MNAT1: variants seen among roughly 807,000 people sequenced by gnomAD.
MNAT1 encodes CDK-activating kinase assembly factor MAT1.
Under a neutral mutation model 42.0 loss-of-function variants are expected in MNAT1, and 43 were observed. That is an observed-to-expected ratio of 1.02 (90% CI 0.80 to 1.32). The LOEUF (loss-of-function observed/expected upper bound fraction) is 1.32. Ranked by LOEUF, MNAT1 falls within the 40% of genes most tolerant of loss-of-function variation. The probability of loss-of-function intolerance (pLI) is 0.00; values close to 1 mark genes in which losing one functional copy is unlikely to be tolerated. For missense variants in MNAT1, 306 were observed against 350.4 expected (o/e 0.87, Z 1.01); for synonymous variants, 118 against 120.0 (o/e 0.98, Z 0.11).
chr14:60,954,667 G>T (rs986324998), intron 7 of MNAT1, among the ~76,000 whole-genome samples: 4 of 152,052 alleles, frequency 2.6e-5, no homozygotes, highest in Non-Finnish European at 4.4e-5. Context: ...CTATAAATAA[G>T]ATCATGTTAT....
chr14:60,757,820 C>T (rs2030423411), intron 1 of MNAT1, among the ~76,000 whole-genome samples: 1 of 152,104 alleles, frequency 6.6e-6, no homozygotes, highest in Non-Finnish European at 1.5e-5. Flanking sequence ...GATTCTGATG[C>T]TTTACTTATT....
intron 7 of MNAT1, among the ~76,000 whole-genome samples, chr14:60,935,545 T>C (rs1789381078): frequency 6.6e-6 from 1 of 152,186 alleles, no homozygotes; most frequent in African/African-American, 2.4e-5. Flanking sequence ...TATCTTCTCT[T>C]ATTTTCAGTA....
At chr14:60,748,806 A>G (rs1405296571) in intron 1 of MNAT1, among the ~76,000 whole-genome samples, 1 of 152,210 alleles carries the variant, frequency 6.6e-6, no homozygotes, top group East Asian at 1.9e-4. Context: ...TAGAAGGAGT[A>G]CACTATAAAA....
chr14:60,749,403 T>C (rs978806364), intron 1 of MNAT1, among the ~76,000 whole-genome samples: 2 of 152,230 alleles, frequency 1.3e-5, no homozygotes, highest in Admixed American at 6.5e-5. Context: ...TTTTTCTCAT[T>C]GCTTTTTTTC....
chr14:60,902,899 A>G (rs1458612371), intron 7 of MNAT1, among the ~76,000 whole-genome samples: 2 of 151,984 alleles, frequency 1.3e-5, no homozygotes, highest in African/African-American at 4.8e-5. Context: ...TTCTATACCT[A>G]GTTCTATTAG....
chr14:60,936,643 G>C (rs1308820097), intron 7 of MNAT1, among the ~76,000 whole-genome samples: 2 of 152,060 alleles, frequency 1.3e-5, no homozygotes, highest in Non-Finnish European at 2.9e-5. Context: ...CATTTGACTT[G>C]GTTCCAAGTC....
At chr14:60,922,587 G>A (rs371201156) in intron 7 of MNAT1, among the ~76,000 whole-genome samples, 1 of 151,962 alleles carries the variant, frequency 6.6e-6, no homozygotes, top group African/African-American at 2.4e-5. Flanking sequence ...CTTACTATAA[G>A]CTGTAAGGAA....
At chr14:60,823,185 C>G (rs2032949391) in intron 6 of MNAT1, among the ~76,000 whole-genome samples, 1 of 152,150 alleles carries the variant, frequency 6.6e-6, no homozygotes, top group Non-Finnish European at 1.5e-5. Flanking sequence ...GGTCAACAAC[C>G]TTGAAGACTG....
intron 6 of MNAT1, among the ~76,000 whole-genome samples, chr14:60,874,232 C>G (rs775381506): frequency 6.6e-6 from 1 of 152,110 alleles, no homozygotes; most frequent in Non-Finnish European, 1.5e-5. Flanking sequence ...ATTTCTTACC[C>G]ATTTGAGTTC....
intron 6 of MNAT1, among the ~76,000 whole-genome samples, chr14:60,838,222 A>G (rs1220249920): frequency 1.3e-5 from 2 of 151,580 alleles, no homozygotes; most frequent in African/African-American, 4.9e-5. Context: ...TGCAGGTTCT[A>G]CTTCCTGGGC....
At position 60,968,422 on chromosome 14, in the gene MNAT1, G is replaced by C; in HGVS notation, c.*73G>C. ...AGTAAAGCAGACTTATAAAATTATA[G>C]CTATGTGCAGCTGCACAACACAGTC... On this transcript the variant is annotated 3_prime_UTR_variant, in exon 8 of 8. Coordinates refer to ENST00000261245, the MANE Select transcript of MNAT1 (RefSeq NM_002431.4). 1 of 1,557,586 alleles carries C rather than the reference G, an allele frequency of 6.4e-7. No homozygotes were observed. The highest frequency in any genetic ancestry group is 8.7e-7 in the Non-Finnish European group (1 of 1,154,386).
intron 6 of MNAT1, among the ~76,000 whole-genome samples, chr14:60,851,416 A>C (rs1167886033): frequency 2.0e-5 from 2 of 98,722 alleles, no homozygotes; most frequent in African/African-American, 7.9e-5. Flanking sequence ...GGTTTCTGGC[A>C]ATCCTGTATG....
intron 3 of MNAT1, among the ~76,000 whole-genome samples, chr14:60,807,913 A>C (rs1004001202): frequency 2.6e-5 from 4 of 152,106 alleles, no homozygotes; most frequent in Admixed American, 6.5e-5. Context: ...TGTTTGATAT[A>C]AATTATAAAA....
chr14:60,879,756 G>T lies in MNAT1; in HGVS notation c.730G>T (p.Ala244Ser), dbSNP rs768637635. ...GGCACCTATTCACAAGCTTGAAGAA[G>T]CTCTGTATGAATACCAGCCACTGCA... is the stretch of plus-strand genomic sequence containing the variant. Reference protein sequence around the residue: ...SLAPIHKLEEALYEYQPLQIE... With the variant: ...SLAPIHKLEESLYEYQPLQIE... Residue 244 changes from alanine (A) to serine (S), a missense_variant, in exon 7 of 8, where the codon GCT (alanine) becomes TCT (serine). Ala to Ser is a moderately conservative substitution (Grantham distance 99). Around this residue, in one of 3 missense-constraint regions of MNAT1, gnomAD observed 116 missense variants for 139.6 expected, o/e 0.83. Coordinates refer to ENST00000261245, the MANE Select transcript of MNAT1 (RefSeq NM_002431.4). 9 of 1,613,198 alleles carry T rather than the reference G, an allele frequency of 5.6e-6. No individual in the cohort carries two copies. The highest frequency in any genetic ancestry group is 1.7e-4 in the Middle Eastern group (1 of 6,052).
At chr14:60,935,707 A>T (rs957865978) in intron 7 of MNAT1, among the ~76,000 whole-genome samples, 5 of 152,204 alleles carry the variant, frequency 3.3e-5, no homozygotes, top group African/African-American at 1.2e-4. Flanking sequence ...GCAGGGTAGG[A>T]GGAGAAATCA....
chr14:60,749,178 CAG>C (rs2029963497), intron 1 of MNAT1, among the ~76,000 whole-genome samples: 2 of 152,134 alleles, frequency 1.3e-5, no homozygotes, highest in South Asian at 4.1e-4. Flanking sequence ...CTGCAGGTAT[CAG>C]AAAGTTTCAT....
intron 1 of MNAT1, chr14:60,753,701 T>A (rs1457228741): frequency 6.6e-6 from 1 of 152,202 alleles, no homozygotes; most frequent in Non-Finnish European, 1.5e-5. Context: ...CCCCTTTTGA[T>A]GAAAGAAGTA....
intron 7 of MNAT1, among the ~76,000 whole-genome samples, chr14:60,943,037 TGTGTGTGTGTGTGCGC>T: frequency 8.1e-6 from 1 of 122,806 alleles, no homozygotes; most frequent in African/African-American, 3.2e-5. Context: ...TGTGTGTGTG[TGTGTGTGTGTGTGCGC>T]TTTTTTTTTT....
chr14:60,882,043 C>T (rs1488427859), intron 7 of MNAT1, among the ~76,000 whole-genome samples: 2 of 152,070 alleles, frequency 1.3e-5, no homozygotes, highest in African/African-American at 4.8e-5. Flanking sequence ...CACCTTTAAT[C>T]ACAGCTACTT....
Sources: allele counts gnomAD v4.1 joint callset (sites outside exome capture counted in the v4.1 genomes callset), GRCh38; gene constraint gnomAD v4.1.1; regional missense constraint gnomAD v4.1.1; transcripts MANE v1.5; gene names NCBI Gene and HGNC (gene_info 2026-07-23, HGNC 2026-07-21).